Variants in PCSK5 observed in about 807,000 individuals in gnomAD.
PCSK5 encodes proprotein convertase subtilisin/kexin type 5, also known as prohormone convertase 5.
PCSK5 carries 129 observed loss-of-function variants against 233.2 expected under a neutral mutation model. That is an observed-to-expected ratio of 0.55 (90% CI 0.48 to 0.64). The LOEUF (loss-of-function observed/expected upper bound fraction) is 0.64, where lower values mean the gene tolerates loss of function less well. Among genes scored for constraint, PCSK5 ranks in the 30% least tolerant of loss-of-function variants. The pLI, the probability that PCSK5 is intolerant of heterozygous loss-of-function variation, is 0.00. For missense variants in PCSK5, 2,076 were observed against 2,430.1 expected, an observed-to-expected ratio of 0.85 and a Z score of 3.06; for synonymous variants, 825 against 879.2, an observed-to-expected ratio of 0.94 and a Z score of 1.09.
intron 21 of PCSK5, among the ~76,000 whole-genome samples, chr9:76,231,603 T>C (rs1372909397): frequency 2.0e-5 from 3 of 152,186 alleles, no homozygotes; most frequent in Non-Finnish European, 4.4e-5. Context: ...ATAGAAAGAT[T>C]TTGGGTTTTT....
chr9:76,149,545 A>C (rs1823580712), intron 10 of PCSK5, among the ~76,000 whole-genome samples: 1 of 152,204 alleles, frequency 6.6e-6, no homozygotes, highest in Non-Finnish European at 1.5e-5. Context: ...GGCTAACCAA[A>C]ATCCCATTTC....
intron 1 of PCSK5, among the ~76,000 whole-genome samples, chr9:75,894,928 A>C (rs1290720201): frequency 2.0e-5 from 3 of 152,228 alleles, no homozygotes; most frequent in Non-Finnish European, 4.4e-5. Context: ...AAGAAGAATT[A>C]ATGTCTGGTT....
At chr9:75,918,467 G>A (rs2131250165) in intron 1 of PCSK5, among the ~76,000 whole-genome samples, 1 of 152,354 alleles carries the variant, frequency 6.6e-6, no homozygotes, top group Middle Eastern at 3.4e-3. Flanking sequence ...CACACTTTGA[G>A]AGCCACTGAT....
intron 9 of PCSK5, among the ~76,000 whole-genome samples, chr9:76,129,297 A>T (rs548348464): frequency 6.6e-6 from 1 of 152,158 alleles, no homozygotes; most frequent in Admixed American, 6.5e-5. Flanking sequence ...GACTAGTTTC[A>T]TCTTGAATTG....
rs575679201 is a variant in PCSK5 at position 76,146,311 on chromosome 9, C to G, written c.1313-10734C>G. On this transcript the variant is annotated intron_variant, in intron 10 of 37. Coordinates refer to ENST00000674117, the MANE Select transcript of PCSK5 (RefSeq NM_001372043.1). The stretch of plus-strand genomic sequence containing the variant: ...AATGTCATTCTTCCATCTATAAGTG[C>G]CTGGTTAGCTCTAATAAAAAAAAAT... 1.0e-4 allele frequency among the ~76,000 whole-genome samples: 15 copies of G among 149,634 alleles called. No individual in the cohort carries two copies. In the South Asian group the frequency reaches 3.2e-3, roughly 32 times the overall value.
intron 35 of PCSK5, among the ~76,000 whole-genome samples, chr9:76,340,639 C>CAAA (rs57319222): frequency 0.22 from 20,558 of 94,702 alleles, 2,372 homozygotes; most frequent in East Asian, 0.53. Context: ...ACGAGACTGT[C>CAAA]AAAAAAAAAA....
At chr9:76,087,902 CAG>C (rs1319305758) in intron 7 of PCSK5, among the ~76,000 whole-genome samples, 3 of 152,134 alleles carry the variant, frequency 2.0e-5, no homozygotes, top group Non-Finnish European at 4.4e-5. Flanking sequence ...GGCAAGAAGA[CAG>C]AAATGAGCAG....
chr9:75,954,958 T>A (rs1458458223), intron 2 of PCSK5, among the ~76,000 whole-genome samples: 1 of 152,214 alleles, frequency 6.6e-6, no homozygotes, highest in Non-Finnish European at 1.5e-5. Flanking sequence ...AAAATAGACA[T>A]CTTCCTTTAA....
intron 21 of PCSK5, among the ~76,000 whole-genome samples, chr9:76,228,764 C>T (rs886892071): frequency 1.3e-5 from 2 of 152,212 alleles, no homozygotes; most frequent in South Asian, 4.1e-4. Context: ...TGAGGCTGCT[C>T]CAGTGGCAGG....
At chr9:76,061,595 G>T (rs1368406768) in intron 5 of PCSK5, among the ~76,000 whole-genome samples, 1 of 152,120 alleles carries the variant, frequency 6.6e-6, no homozygotes, top group Non-Finnish European at 1.5e-5. Flanking sequence ...ATAATTGCTA[G>T]ATTTGGGGGA....
At chr9:76,172,782 A>T (rs1193230104) in intron 13 of PCSK5, among the ~76,000 whole-genome samples, 1 of 152,176 alleles carries the variant, frequency 6.6e-6, no homozygotes, top group African/African-American at 2.4e-5. Flanking sequence ...TTCACTTCTT[A>T]TCACTCCCTA....
At chr9:76,008,994 A>T (rs1308969849) in intron 3 of PCSK5, among the ~76,000 whole-genome samples, 1 of 152,204 alleles carries the variant, frequency 6.6e-6, no homozygotes, top group Non-Finnish European at 1.5e-5. Flanking sequence ...ATACTAAAAA[A>T]GTGTTTCTTG....
intron 36 of PCSK5, among the ~76,000 whole-genome samples, chr9:76,351,447 G>GAAAGGAAAGAAAGAAA (rs1491332963): frequency 5.1e-4 from 14 of 27,460 alleles, no homozygotes; most frequent in African/African-American, 1.4e-3. Flanking sequence ...GTGAAAGAAA[G>GAAAGGAAAGAAAGAAA]GAAAGAAAGA....
chr9:76,295,506 G>T lies in PCSK5; in HGVS notation c.3322+95G>T. 4 of 1,131,486 alleles carry T rather than the reference G, an allele frequency of 3.5e-6. 1 individual carries two copies. Among genetic ancestry groups the T allele is most frequent in the Non-Finnish European group, 1.3e-6 (1 of 783,738 alleles). 70.1% of individuals were successfully genotyped at this position (1,131,486 alleles called of 1,614,324 possible). ...GAGCGCACATGTGATTGGTTTCAGA[G>T]TCTGTGCGTGTGGGCACCTCTGGCC... On this transcript the variant is annotated intron_variant, in intron 26 of 37. Coordinates refer to ENST00000674117, the MANE Select transcript of PCSK5 (RefSeq NM_001372043.1).
At chr9:76,068,330 C>T (rs1345740373) in intron 6 of PCSK5, among the ~76,000 whole-genome samples, 1 of 151,856 alleles carries the variant, frequency 6.6e-6, no homozygotes, top group Non-Finnish European at 1.5e-5. Context: ...GACATTTGTA[C>T]CAAAATGCTA....
intron 10 of PCSK5, among the ~76,000 whole-genome samples, chr9:76,150,605 C>G (rs1256506619): frequency 1.3e-5 from 2 of 152,138 alleles, no homozygotes; most frequent in Non-Finnish European, 2.9e-5. Context: ...TGCACTCCAG[C>G]CTGGGCAACA....
chr9:76,060,725 G>A (rs1829998075), intron 5 of PCSK5, among the ~76,000 whole-genome samples: 1 of 152,106 alleles, frequency 6.6e-6, no homozygotes, highest in Non-Finnish European at 1.5e-5. Context: ...GTATTGTTTG[G>A]AAAAAGAGGA....
intron 21 of PCSK5, among the ~76,000 whole-genome samples, chr9:76,230,331 G>A (rs1334491680): frequency 6.6e-6 from 1 of 152,162 alleles, no homozygotes; most frequent in Non-Finnish European, 1.5e-5. Context: ...ATGGTTTAAA[G>A]CATAATTATG....
chr9:75,909,467 G>A (rs757264187), intron 1 of PCSK5, among the ~76,000 whole-genome samples: 15 of 152,176 alleles, frequency 9.9e-5, no homozygotes, highest in Middle Eastern at 3.4e-3. Flanking sequence ...AGGCCGAGGC[G>A]GGCGAATCAC....
Sources: allele counts gnomAD v4.1 joint callset (sites outside exome capture counted in the v4.1 genomes callset), GRCh38; gene constraint gnomAD v4.1.1; transcripts MANE v1.5; gene names NCBI Gene and HGNC (gene_info 2026-07-23, HGNC 2026-07-21).